Variants in EBF1 observed in about 807,000 individuals in gnomAD.
EBF1 encodes the protein transcription factor COE1.
In EBF1, 10 loss-of-function variants were observed where a neutral mutation model predicts 68.4. That is an observed-to-expected ratio of 0.15 (90% CI 0.09 to 0.25). EBF1 has a LOEUF of 0.25. Among genes scored for constraint, EBF1 ranks in the 10% least tolerant of loss-of-function variants. EBF1 has a pLI of 1.00. For missense variants in EBF1, 509 were observed against 794.4 expected, an observed-to-expected ratio of 0.64 and a Z score of 4.32; for synonymous variants, 298 against 299.8, an observed-to-expected ratio of 0.99 and a Z score of 0.06.
At chr5:158,881,934 G>A (rs1798985496) in intron 6 of EBF1, among the ~76,000 whole-genome samples, 1 of 152,190 alleles carries the variant, frequency 6.6e-6, no homozygotes, top group Non-Finnish European at 1.5e-5. Context: ...CCTTCACAGG[G>A]CTATGTGTCT....
chr5:158,930,502 C>T (rs1008018121), intron 6 of EBF1, among the ~76,000 whole-genome samples: 4 of 152,162 alleles, frequency 2.6e-5, no homozygotes, highest in Non-Finnish European at 5.9e-5. Flanking sequence ...GCTATGTAGT[C>T]CTACCCTGGT....
chr5:158,699,207 T>C, intron 15 of EBF1, 65 bp from the exon 16 acceptor site: 1 of 1,497,018 alleles, frequency 6.7e-7, no homozygotes, highest in South Asian at 1.3e-5. Context: ...AGAAAAATAA[T>C]GAAGACTAAA....
intron 6 of EBF1, among the ~76,000 whole-genome samples, chr5:159,060,558 C>T (rs572893002): frequency 7.4e-4 from 112 of 152,172 alleles, no homozygotes; most frequent in African/African-American, 2.3e-3. Flanking sequence ...TGTGGTTTTA[C>T]GTGTCTTTTA....
chr5:158,829,026 T>C (rs1183330657), intron 7 of EBF1, among the ~76,000 whole-genome samples: 1 of 151,968 alleles, frequency 6.6e-6, no homozygotes, highest in African/African-American at 2.4e-5. Flanking sequence ...TTGCCAGGAG[T>C]CTGGGAGAAG....
intron 8 of EBF1, among the ~76,000 whole-genome samples, chr5:158,801,580 T>C (rs532238795): frequency 6.6e-6 from 1 of 151,680 alleles, no homozygotes; most frequent in East Asian, 1.9e-4. Flanking sequence ...ACTCTAATAC[T>C]ACACCGTGAG....
At chr5:158,856,574 A>C (rs1364032603) in intron 6 of EBF1, among the ~76,000 whole-genome samples, 2 of 150,630 alleles carry the variant, frequency 1.3e-5, no homozygotes, top group African/African-American at 2.4e-5. Flanking sequence ...ATACTTTACC[A>C]AGTGCTAGGC....
chr5:158,758,730 G>A (rs1770703515), intron 10 of EBF1, among the ~76,000 whole-genome samples: 1 of 152,100 alleles, frequency 6.6e-6, no homozygotes, highest in South Asian at 2.1e-4. Flanking sequence ...AAACTGAGAT[G>A]ACGTGACATC....
intron 6 of EBF1, among the ~76,000 whole-genome samples, chr5:158,940,775 C>CCCCCCCCCCCCCCCT: frequency 2.3e-5 from 1 of 43,380 alleles, no homozygotes; most frequent in African/African-American, 5.8e-5. Context: ...CCCCCCCCCC[C>CCCCCCCCCCCCCCCT]CCCCGCAGGT....
intron 4 of EBF1, among the ~76,000 whole-genome samples, chr5:159,092,649 T>G (rs1781863935): frequency 6.6e-6 from 1 of 152,214 alleles, no homozygotes; most frequent in South Asian, 2.1e-4. Context: ...AAATTTTGCT[T>G]GTCCAAAATT....
At chr5:158,703,404 T>C (rs1462119093) in intron 15 of EBF1, among the ~76,000 whole-genome samples, 5 of 152,240 alleles carry the variant, frequency 3.3e-5, no homozygotes. Context: ...AAAAGGACTC[T>C]GTAGGCAAAC....
chr5:158,889,747 A>G (rs1800787121), intron 6 of EBF1, among the ~76,000 whole-genome samples: 1 of 152,204 alleles, frequency 6.6e-6, no homozygotes, highest in Admixed American at 6.5e-5. Flanking sequence ...GCAGAGTCAA[A>G]GCCAACATCT....
intron 6 of EBF1, among the ~76,000 whole-genome samples, chr5:159,011,293 G>A (rs1350639764): frequency 6.6e-6 from 1 of 152,188 alleles, no homozygotes; most frequent in African/African-American, 2.4e-5. Flanking sequence ...AGATGTGAAG[G>A]GTGAAGCTCT....
chr5:159,093,975 C>G (rs1782084351), intron 4 of EBF1, among the ~76,000 whole-genome samples: 1 of 147,968 alleles, frequency 6.8e-6, no homozygotes, highest in Non-Finnish European at 1.5e-5. Flanking sequence ...TCTTAGAGTT[C>G]CTACTTTCCC....
chr5:158,735,296 G>T (rs892596689), intron 10 of EBF1, among the ~76,000 whole-genome samples: 1 of 152,064 alleles, frequency 6.6e-6, no homozygotes, highest in Admixed American at 6.6e-5. Flanking sequence ...AAAGTCTAGG[G>T]TCACAATACA....
At chr5:158,707,115 C>G (rs1051772490) in intron 15 of EBF1, among the ~76,000 whole-genome samples, 1 of 152,166 alleles carries the variant, frequency 6.6e-6, no homozygotes, top group African/African-American at 2.4e-5. Flanking sequence ...AATTTCATAA[C>G]CTCTCTAACC....
chr5:158,723,764 C>G (rs1168272921), intron 11 of EBF1, among the ~76,000 whole-genome samples: 2 of 152,044 alleles, frequency 1.3e-5, no homozygotes, highest in African/African-American at 2.4e-5. Flanking sequence ...ACAATAATGA[C>G]AAGCAGAAGC....
At chr5:158,708,803 T>G (rs1325278128) in intron 14 of EBF1, among the ~76,000 whole-genome samples, 1 of 152,174 alleles carries the variant, frequency 6.6e-6, no homozygotes, top group Non-Finnish European at 1.5e-5. Context: ...CATGCAGCAT[T>G]TGTGAAAAAT....
chr5:158,985,040 T>A (rs1055566359), intron 6 of EBF1, among the ~76,000 whole-genome samples: 1 of 152,266 alleles, frequency 6.6e-6, no homozygotes, highest in Admixed American at 6.5e-5. Context: ...CTACGGCAGG[T>A]GAGGCTGAAC....
chr5:158,972,891 C>A (rs559242539), intron 6 of EBF1, among the ~76,000 whole-genome samples: 2 of 152,334 alleles, frequency 1.3e-5, no homozygotes, highest in South Asian at 4.1e-4. Flanking sequence ...GCCTTTCCTG[C>A]CCTGTGTTTG....
Sources: gnomAD v4.1 joint callset for allele counts (sites outside exome capture counted in the v4.1 genomes callset) on GRCh38, gnomAD v4.1.1 for gene constraint, MANE v1.5 for transcripts, NCBI Gene and HGNC (gene_info 2026-07-23, HGNC 2026-07-21) for gene names.